TMCC1: variants seen among roughly 807,000 people sequenced by gnomAD.
The protein encoded by TMCC1 is transmembrane and coiled-coil domain family 1, also known as transmembrane and coiled-coil domains protein 1.
In TMCC1, 15 loss-of-function variants were observed where a neutral mutation model predicts 52.4. The ratio of observed to expected loss-of-function variants is 0.29; its 90% CI spans 0.19 to 0.44. The LOEUF is 0.44. Among genes scored for constraint, TMCC1 ranks in the 20% least tolerant of loss-of-function variants. TMCC1 has a pLI of 1.00. For synonymous variants in TMCC1, 279 were observed against 301.9 expected, an observed-to-expected ratio of 0.92 and a Z score of 0.79; for missense variants, 503 against 806.0, an observed-to-expected ratio of 0.62 and a Z score of 4.55.
chr3:129,763,207 A>AAAATAAAT lies in TMCC1; in HGVS notation c.576+64588_576+64595dup, dbSNP rs201181579. 1.4e-3 allele frequency among the ~76,000 whole-genome samples: 184 copies of AAAATAAAT among 131,372 alleles called. 8 individuals carry two copies. In the Middle Eastern group the frequency reaches 0.017, roughly 12 times the overall value. 86.2% of individuals were successfully genotyped at this position (131,372 alleles called of 152,430 possible). On this transcript the variant is annotated intron_variant, in intron 4 of 6. Coordinates refer to ENST00000393238, the MANE Select transcript of TMCC1 (RefSeq NM_001017395.5). ...AGCAAGACTCTGTCTCAAAAAATAA[A>AAAATAAAT]AAATAAATAAATAAATAAATAAATA...
At chr3:129,797,069 T>C (rs1045990337) in intron 4 of TMCC1, among the ~76,000 whole-genome samples, 4 of 152,166 alleles carry the variant, frequency 2.6e-5, no homozygotes, top group Non-Finnish European at 4.4e-5. Flanking sequence ...CTCACGCCTG[T>C]AATCCCAGCA....
intron 4 of TMCC1, among the ~76,000 whole-genome samples, chr3:129,752,371 T>C (rs2052604869): frequency 1.3e-5 from 2 of 152,130 alleles, no homozygotes; most frequent in African/African-American, 4.8e-5. Context: ...AAAATCTAAA[T>C]AGTCATCATC....
At chr3:129,666,955 G>A (rs1327306798) in intron 5 of TMCC1, among the ~76,000 whole-genome samples, 3 of 151,332 alleles carry the variant, frequency 2.0e-5, no homozygotes, top group African/African-American at 7.3e-5. Flanking sequence ...AGGCTGGAGT[G>A]CAGTGGCATG....
chr3:129,751,837 G>A (rs542442958), intron 4 of TMCC1, among the ~76,000 whole-genome samples: 2 of 152,204 alleles, frequency 1.3e-5, no homozygotes, highest in Admixed American at 6.5e-5. Flanking sequence ...GGGATTATGG[G>A]TGTGAGCCAC....
At chr3:129,751,642 A>T (rs1326890521) in intron 4 of TMCC1, among the ~76,000 whole-genome samples, 2 of 151,492 alleles carry the variant, frequency 1.3e-5, no homozygotes, top group African/African-American at 4.9e-5. Flanking sequence ...GGCTCCTGCA[A>T]CCTCCGGCCC....
Position 129,877,274 on chromosome 3 carries a change from T to C in TMCC1, c.-184+3035A>G, listed in dbSNP as rs558106389. On this transcript the variant is annotated intron_variant, in intron 2 of 6. Coordinates refer to ENST00000393238, the MANE Select transcript of TMCC1 (RefSeq NM_001017395.5). The stretch of plus-strand genomic sequence containing the variant: ...AAATCAAATAGTTAATTCTCAGCCC[T>C]CATCTCAATTGTAGTATTTGACACA... Among the ~76,000 whole-genome samples the C allele has an allele frequency of 1.4e-4, 21 of 152,320 alleles. No individual in the cohort carries two copies. In the East Asian group the frequency reaches 3.1e-3, roughly 22 times the overall value.
At chr3:129,757,921 C>A (rs1449172826) in intron 4 of TMCC1, among the ~76,000 whole-genome samples, 8 of 151,742 alleles carry the variant, frequency 5.3e-5, no homozygotes, top group Admixed American at 5.2e-4. Flanking sequence ...CTGGACATCA[C>A]AAAGAGTAAA....
At chr3:129,718,659 T>C (rs2049298801) in intron 4 of TMCC1, among the ~76,000 whole-genome samples, 1 of 152,214 alleles carries the variant, frequency 6.6e-6, no homozygotes, top group South Asian at 2.1e-4. Context: ...TTCATACAGA[T>C]GATTTGTCTT....
At chr3:129,819,595 TG>T (rs563131834) in intron 4 of TMCC1, among the ~76,000 whole-genome samples, 23 of 152,328 alleles carry the variant, frequency 1.5e-4, no homozygotes, top group Non-Finnish European at 2.5e-4. Flanking sequence ...GGAGTTGTGC[TG>T]ACCATAAGCA....
chr3:129,698,632 C>G (rs1414375453), intron 4 of TMCC1, among the ~76,000 whole-genome samples: 1 of 152,166 alleles, frequency 6.6e-6, no homozygotes, highest in Admixed American at 6.5e-5. Flanking sequence ...TAACCTTTCA[C>G]ATTTGGGTCT....
chr3:129,868,958 T>A (rs1474376583), intron 2 of TMCC1: 1 of 152,212 alleles, frequency 6.6e-6, no homozygotes, highest in East Asian at 1.9e-4. Context: ...TTGGTCTTTG[T>A]CCTTGATTCC....
intron 2 of TMCC1, among the ~76,000 whole-genome samples, chr3:129,877,848 T>TTGATCTCC (rs376889313): frequency 6.6e-6 from 1 of 152,180 alleles, no homozygotes; most frequent in Non-Finnish European, 1.5e-5. Context: ...CAGGGTGATC[T>TTGATCTCC]TGATCTCCTG....
At chr3:129,672,415 T>C (rs565815456) in intron 4 of TMCC1, among the ~76,000 whole-genome samples, 7 of 151,878 alleles carry the variant, frequency 4.6e-5, no homozygotes, top group East Asian at 3.9e-4. Context: ...CTGGGCAACA[T>C]AGTGAGACCC....
chr3:129,781,151 T>C (rs1408655855), intron 4 of TMCC1, among the ~76,000 whole-genome samples: 4 of 152,132 alleles, frequency 2.6e-5, no homozygotes, highest in Non-Finnish European at 5.9e-5. Context: ...CTAACACTTA[T>C]CTAAACCAGT....
chr3:129,655,158 G>T, intron 5 of TMCC1, 55 bp from the exon 6 acceptor site: 1 of 1,585,582 alleles, frequency 6.3e-7, no homozygotes, highest in Non-Finnish European at 8.6e-7. Context: ...ATCTTTCCTG[G>T]CATTATTTAC....
intron 2 of TMCC1, among the ~76,000 whole-genome samples, chr3:129,874,592 C>T (rs531058919): frequency 6.6e-6 from 1 of 152,288 alleles, no homozygotes; most frequent in South Asian, 2.1e-4. Context: ...TGCAGTGGCT[C>T]ATGTCCATAA....
chr3:129,773,335 G>A (rs2054765184), intron 4 of TMCC1, among the ~76,000 whole-genome samples: 1 of 152,136 alleles, frequency 6.6e-6, no homozygotes, highest in South Asian at 2.1e-4. Context: ...AAGGCGAAGG[G>A]GGGTAGAGGA....
chr3:129,671,902 A>G (rs965055563), intron 4 of TMCC1, among the ~76,000 whole-genome samples: 3 of 152,236 alleles, frequency 2.0e-5, no homozygotes, highest in African/African-American at 7.2e-5. Context: ...TGAAAGTGGC[A>G]AAGATGAATG....
chr3:129,788,238 G>GC (rs2056180876), intron 4 of TMCC1, among the ~76,000 whole-genome samples: 2 of 152,084 alleles, frequency 1.3e-5, no homozygotes, highest in African/African-American at 4.8e-5. Flanking sequence ...TCTCTGGGTA[G>GC]CATATTTTGC....
Sources: allele counts gnomAD v4.1 joint callset (sites outside exome capture counted in the v4.1 genomes callset), GRCh38; gene constraint gnomAD v4.1.1; transcripts MANE v1.5; gene names NCBI Gene and HGNC (gene_info 2026-07-23, HGNC 2026-07-21).